SLC24A2: variants seen among roughly 807,000 people sequenced by gnomAD.
SLC24A2 encodes solute carrier family 24 member 2.
SLC24A2 carries 36 observed loss-of-function variants against 62.0 expected under a neutral mutation model. The ratio of observed to expected loss-of-function variants is 0.58; its 90% CI spans 0.44 to 0.77. SLC24A2 has a LOEUF of 0.77. SLC24A2 is among the 30% of genes least tolerant of loss of function. The probability of loss-of-function intolerance (pLI) is 0.00; values close to 1 mark genes in which losing one functional copy is unlikely to be tolerated. For missense variants in SLC24A2, 846 were observed against 817.9 expected, an observed-to-expected ratio of 1.03 and a Z score of -0.42; for synonymous variants, 358 against 294.0, an observed-to-expected ratio of 1.22 and a Z score of -2.23.
At chr9:19,921,516 T>A in the SLC24A2 span, among the ~76,000 whole-genome samples, 1 of 48,410 alleles carries the variant, frequency 2.1e-5, no homozygotes, top group African/African-American at 6.7e-5. Context: ...CGAGACTCCG[T>A]GTAAAAAAAA....
intron 2 of SLC24A2, among the ~76,000 whole-genome samples, chr9:19,756,173 T>C (rs888037081): frequency 1.3e-5 from 2 of 152,212 alleles, no homozygotes; most frequent in Admixed American, 1.3e-4. Flanking sequence ...TCTGCTTTCA[T>C]GTCTGTGAAA....
At chr9:19,563,591 A>C (rs1237081288) in intron 7 of SLC24A2, among the ~76,000 whole-genome samples, 1 of 152,168 alleles carries the variant, frequency 6.6e-6, no homozygotes, top group Non-Finnish European at 1.5e-5. Flanking sequence ...TTATTACGAA[A>C]TCTTCCAAAG....
chr9:19,584,168 G>A (rs908332395), intron 5 of SLC24A2, among the ~76,000 whole-genome samples: 2 of 151,408 alleles, frequency 1.3e-5, no homozygotes, highest in Non-Finnish European at 2.9e-5. Context: ...ACCCATCACA[G>A]GCCTACACTG....
upstream of SLC24A2, among the ~76,000 whole-genome samples, chr9:19,791,672 A>G (rs572706240): frequency 3.9e-5 from 6 of 152,366 alleles, no homozygotes; most frequent in South Asian, 1.2e-3. Flanking sequence ...GAGGAATTGA[A>G]TAACAACTGT....
the SLC24A2 span, among the ~76,000 whole-genome samples, chr9:20,299,407 C>A: frequency 1.3e-5 from 2 of 152,260 alleles, no homozygotes; most frequent in Non-Finnish European, 2.9e-5. Context: ...AGTGGATTGA[C>A]AGGCTCTGGA....
chr9:20,063,149 C>A, the SLC24A2 span, among the ~76,000 whole-genome samples: 1 of 142,934 alleles, frequency 7.0e-6, no homozygotes, highest in African/African-American at 2.7e-5. Flanking sequence ...TGGGTATATA[C>A]CCAAAGGACT....
chr9:19,695,110 T>C (rs866291340), intron 2 of SLC24A2, among the ~76,000 whole-genome samples: 8 of 151,938 alleles, frequency 5.3e-5, no homozygotes, highest in Non-Finnish European at 7.4e-5. Flanking sequence ...TTAGAGACAT[T>C]TTTGATTTCC....
the SLC24A2 span, among the ~76,000 whole-genome samples, chr9:19,863,457 A>T: frequency 2.0e-5 from 3 of 152,002 alleles, no homozygotes; most frequent in Admixed American, 6.5e-5. Context: ...GAGAGAGACC[A>T]TATGTTAGGT....
the SLC24A2 span, among the ~76,000 whole-genome samples, chr9:19,934,131 T>C: frequency 6.6e-6 from 1 of 152,232 alleles, no homozygotes; most frequent in Admixed American, 6.5e-5. The surrounding 1 kb of genome is among the most constrained non-coding windows in gnomAD (Gnocchi z 4.1). Context: ...ATCTGAATTA[T>C]ACCTTAATTT....
At chr9:20,195,578 C>A in the SLC24A2 span, among the ~76,000 whole-genome samples, 3 of 152,088 alleles carry the variant, frequency 2.0e-5, no homozygotes, top group Admixed American at 6.6e-5. Context: ...ATACTCAATA[C>A]TAATCCTTTA....
At chr9:20,050,901 G>A in the SLC24A2 span, among the ~76,000 whole-genome samples, 1 of 152,134 alleles carries the variant, frequency 6.6e-6, no homozygotes, top group Non-Finnish European at 1.5e-5. Context: ...AATAATTAAA[G>A]GGTGTATGAC....
At chr9:19,857,316 G>C in the SLC24A2 span, among the ~76,000 whole-genome samples, 1 of 152,164 alleles carries the variant, frequency 6.6e-6, no homozygotes, top group Admixed American at 6.5e-5. Flanking sequence ...GGTTACAGTG[G>C]GCCTAGCAAG....
At chr9:20,259,706 G>GATTC in the SLC24A2 span, among the ~76,000 whole-genome samples, 1 of 152,086 alleles carries the variant, frequency 6.6e-6, no homozygotes, top group Non-Finnish European at 1.5e-5. Context: ...AGAGACTTCA[G>GATTC]ATTCAAACAG....
chr9:20,183,663 C>T, the SLC24A2 span, among the ~76,000 whole-genome samples: 1 of 152,130 alleles, frequency 6.6e-6, no homozygotes, highest in African/African-American at 2.4e-5. Flanking sequence ...GAATGGGTAA[C>T]TTTTAGATGA....
the SLC24A2 span, among the ~76,000 whole-genome samples, chr9:20,267,008 G>A: frequency 6.6e-6 from 1 of 151,210 alleles, no homozygotes; most frequent in Non-Finnish European, 1.5e-5. Flanking sequence ...CTTGAGCCCA[G>A]GTGTTTGAGG....
At chr9:19,920,163 A>G in the SLC24A2 span, among the ~76,000 whole-genome samples, 8 of 152,192 alleles carry the variant, frequency 5.3e-5, no homozygotes, top group African/African-American at 1.9e-4. Flanking sequence ...AAGAAAATTT[A>G]TCAAATTGAT....
At chr9:19,548,763 G>A (rs1834701506) in intron 8 of SLC24A2, among the ~76,000 whole-genome samples, 1 of 152,194 alleles carries the variant, frequency 6.6e-6, no homozygotes, top group Non-Finnish European at 1.5e-5. Context: ...GTCAGCCCCT[G>A]CAGCATGGCC....
chr9:20,213,793 G>C, the SLC24A2 span, among the ~76,000 whole-genome samples: 2 of 152,138 alleles, frequency 1.3e-5, no homozygotes, highest in African/African-American at 2.4e-5. Flanking sequence ...GCCAAAAATG[G>C]TAATAATATT....
intron 2 of SLC24A2, among the ~76,000 whole-genome samples, chr9:19,703,117 T>A (rs1463690372): frequency 6.6e-6 from 1 of 151,990 alleles, no homozygotes; most frequent in East Asian, 1.9e-4. Flanking sequence ...GAGAGAGAGA[T>A]ACTCGCATAT....
Sources: allele counts gnomAD v4.1 joint callset (sites outside exome capture counted in the v4.1 genomes callset), GRCh38; gene constraint gnomAD v4.1.1; non-coding constraint Gnocchi (gnomAD v3.1); transcripts MANE v1.5; gene names NCBI Gene and HGNC (gene_info 2026-07-23, HGNC 2026-07-21).